The following ZNF789 variants were observed in gnomAD, a reference collection of about 807,000 sequenced individuals.
ZNF789 encodes the protein zinc finger protein 789.
Under a neutral mutation model 15.6 loss-of-function variants are expected in ZNF789, and 11 were observed. That is an observed-to-expected ratio of 0.70 (90% CI 0.44 to 1.16). The LOEUF is 1.16. Among genes scored for constraint, ZNF789 ranks in the 50% most tolerant of loss-of-function variants. ZNF789 has a pLI of 0.00. For missense variants in ZNF789, 461 were observed against 512.6 expected, an observed-to-expected ratio of 0.90 and a Z score of 0.97; for synonymous variants, 159 against 176.0, an observed-to-expected ratio of 0.90 and a Z score of 0.76.
At chr7:99,482,990 G>A (rs187110160) in intron 3 of ZNF789, among the ~76,000 whole-genome samples, 16 of 152,300 alleles carry the variant, frequency 1.1e-4, no homozygotes, top group African/African-American at 3.6e-4. Context: ...CAGCACTTTG[G>A]GAGGCCGAGA....
At chr7:99,482,959 G>A (rs924567404) in intron 3 of ZNF789, among the ~76,000 whole-genome samples, 4 of 152,140 alleles carry the variant, frequency 2.6e-5, no homozygotes, top group African/African-American at 9.7e-5. Context: ...GGCTGGGCAC[G>A]GTGGCTCACG....
chr7:99,474,466 C>T (rs1394979148), intron 1 of ZNF789, among the ~76,000 whole-genome samples: 2 of 151,942 alleles, frequency 1.3e-5, no homozygotes, highest in African/African-American at 2.4e-5. Flanking sequence ...TGGTGGCGGG[C>T]GCCTGTAGTC....
At chr7:99,483,819 C>T (rs1257117343) in intron 3 of ZNF789, 2 of 781,312 alleles carry the variant, frequency 2.6e-6, no homozygotes, top group Non-Finnish European at 4.8e-6. Flanking sequence ...GTACTTTAGG[C>T]TATATTTCTA....
At chr7:99,485,343 A>G (rs1450438341) in intron 4 of ZNF789, 1 of 880,344 alleles carries the variant, frequency 1.1e-6, no homozygotes, top group East Asian at 2.6e-5. Flanking sequence ...GCCTGCATCC[A>G]CTAGATGCCA....
Position 99,487,107 on chromosome 7 carries a change from C to G in ZNF789, c.897C>G (p.Thr299=), listed in dbSNP as rs761135886. 46 of 1,614,096 alleles carry G rather than the reference C, an allele frequency of 2.8e-5. No homozygotes were observed. Among genetic ancestry groups the G allele is most frequent in the Non-Finnish European group, 3.9e-5 (46 of 1,180,026 alleles). ...AAAAAACGTTTAGTCAGAATTCAAC[C>G]CTTATTCGACATCAGGTGATCCATA... ...KCEKTFSQNS[T]LIRHQVIHSG... is the part of the protein sequence containing the mutation. Residue 299 remains threonine, a synonymous_variant, in exon 5 of 5, where the codon ACC becomes ACG. Transcript: ENST00000331410.
chr7:99,476,511 G>A, intron 2 of ZNF789, 31 bp downstream of exon 2: 1 of 1,608,554 alleles, frequency 6.2e-7, no homozygotes, highest in Non-Finnish European at 8.5e-7. Flanking sequence ...TGCTTCATCA[G>A]CATAGTCACT....
chr7:99,486,705 T>C lies in ZNF789; in HGVS notation c.495T>C (p.Asn165=). 2 of 1,614,172 alleles carry C rather than the reference T, an allele frequency of 1.2e-6. No homozygotes were observed. The highest frequency in any genetic ancestry group is 1.7e-6 in the Non-Finnish European group (2 of 1,180,032). The change falls in exon 5 of 5, where the codon AAT becomes AAC. Residue 165 remains asparagine, a synonymous_variant. Coordinates refer to ENST00000331410, the MANE Select transcript of ZNF789 (RefSeq NM_213603.3). ...LQNLNLIQDQ[N]AQTRWKQGRY... ...ACCTTAACCTTATTCAAGATCAGAA[T>C]GCGCAAACAAGGTGGAAGCAGGGCA...
At chr7:99,474,979 CT>C (rs1799238965) in intron 1 of ZNF789, among the ~76,000 whole-genome samples, 1 of 148,110 alleles carries the variant, frequency 6.8e-6, no homozygotes, top group African/African-American at 2.6e-5. Flanking sequence ...AGGGAGACTC[CT>C]CAAAAAAAAA....
intron 1 of ZNF789, among the ~76,000 whole-genome samples, chr7:99,473,576 GCTT>G (rs915791669): frequency 1.3e-5 from 2 of 152,132 alleles, no homozygotes; most frequent in Non-Finnish European, 2.9e-5. Context: ...CGAGAAAAAA[GCTT>G]CTTTCCTGGT....
At chr7:99,483,994 C>G (rs1425820166) in intron 3 of ZNF789, 36 bp from the exon 4 acceptor site, 5 of 1,575,388 alleles carry the variant, frequency 3.2e-6, no homozygotes, top group Non-Finnish European at 1.7e-6. Context: ...CTGTAACTCA[C>G]TAACGGCCAC....
In ZNF789 at chr7:99,487,293, A is replaced by G. The variant is rs1480452817; in HGVS notation, c.1083A>G (p.Arg361=). The G allele has an allele frequency of 6.2e-7, 1 of 1,614,254 alleles. No individual in the cohort carries two copies. The highest frequency in any genetic ancestry group is 8.5e-7 in the Non-Finnish European group (1 of 1,180,044). The change falls in exon 5 of 5, where the codon AGA becomes AGG. Residue 361 remains arginine, a synonymous_variant. Coordinates refer to ENST00000331410, the MANE Select transcript of ZNF789 (RefSeq NM_213603.3). ...ATGTGGATCTCATTCAGCATCAAAGAATCCATACAAAGGAGGAATTCTTTC... is the reference window on the plus strand; with the variant it reads ...ATGTGGATCTCATTCAGCATCAAAGGATCCATACAAAGGAGGAATTCTTTC... ...GRNVDLIQHQ[R]IHTKEEFFQC... is the part of the protein sequence containing the mutation.
chr7:99,484,265 C>A (rs1799797650), intron 4 of ZNF789, 122 bp downstream of exon 4: 1 of 691,188 alleles, frequency 1.4e-6, no homozygotes, highest in African/African-American at 1.8e-5. Flanking sequence ...CCCACTTCTT[C>A]ATCCCTACTG....
At chr7:99,477,114 C>G (rs904118431) in intron 2 of ZNF789, among the ~76,000 whole-genome samples, 2 of 151,806 alleles carry the variant, frequency 1.3e-5, no homozygotes, top group African/African-American at 4.8e-5. Context: ...GCGATCTCAG[C>G]TCACTGCATC....
Position 99,479,684 on chromosome 7 carries a change from G to A in ZNF789, c.48G>A (p.Val16=). 2 of 1,608,466 alleles carry A rather than the reference G, an allele frequency of 1.2e-6. No individual in the cohort carries two copies. The highest frequency in any genetic ancestry group is 1.7e-6 in the Non-Finnish European group (2 of 1,177,856). Residue 16 remains valine, a synonymous_variant, in exon 3 of 5, where the codon GTG becomes GTA. Transcript: ENST00000331410. The part of the protein sequence containing the change: ...RGKELLSFED[V]AMYFTREEWG... Reference sequence around the variant, plus strand: ...AGGAGCTGCTCTCGTTTGAGGATGTGGCGATGTACTTCACCAGAGAGGAGT... The same window carrying A: ...AGGAGCTGCTCTCGTTTGAGGATGTAGCGATGTACTTCACCAGAGAGGAGT...
At chr7:99,478,345 C>T in intron 2 of ZNF789, 3 of 1,289,626 alleles carry the variant, frequency 2.3e-6, no homozygotes, top group South Asian at 2.5e-5. Flanking sequence ...AAGAGTGACA[C>T]TCTGGATAAT....
In ZNF789 at chr7:99,484,032, T is replaced by C. The variant is rs1346422824; in HGVS notation, c.154T>C (p.Phe52Leu). ...CCCATTTACTTCCCCATGAGTAGGA[T>C]TTCAGTTTCCCAAACCTGAGATGAT... ...ENYRNMVLLG[F>L]QFPKPEMICQ... The change falls in exon 4 of 5, where the codon TTT becomes CTT. Residue 52 changes from phenylalanine (F) to leucine (L), a missense_variant and splice_region_variant. Phe to Leu is a conservative substitution (Grantham distance 22, BLOSUM62 0). Transcript: ENST00000331410. The C allele has an allele frequency of 1.2e-6, 2 of 1,614,020 alleles. No homozygotes were observed. The highest frequency in any genetic ancestry group is 3.3e-5 in the Admixed American group (2 of 59,986).
chr7:99,481,090 G>A (rs1799600286), intron 3 of ZNF789: 1 of 152,202 alleles, frequency 6.6e-6, no homozygotes, highest in Non-Finnish European at 1.5e-5. Flanking sequence ...AAGTAGCTGA[G>A]CATATTCTAT....
chr7:99,487,253 A>T lies in ZNF789; in HGVS notation c.1043A>T (p.Gln348Leu), dbSNP rs914477830. Residue 348 changes from glutamine to leucine, a missense_variant, in exon 5 of 5, where the codon CAG (glutamine) becomes CTG (leucine). By Grantham distance (113) the Gln-to-Leu change is moderately radical. Coordinates refer to ENST00000331410, the MANE Select transcript of ZNF789 (RefSeq NM_213603.3). ...PNTHKCSECG[Q>L]SFGRNVDLIQ... The stretch of plus-strand genomic sequence containing the variant: ...ACCCATAAATGCAGTGAATGTGGAC[A>T]GTCCTTTGGTAGGAATGTGGATCTC... 1.9e-6 allele frequency: 3 copies of T among 1,614,116 alleles called. No homozygotes were observed. Among genetic ancestry groups the T allele is most frequent in the African/African-American group, 2.7e-5 (2 of 74,940 alleles).
chr7:99,477,258 G>T (rs548259960), intron 2 of ZNF789, among the ~76,000 whole-genome samples: 1 of 151,728 alleles, frequency 6.6e-6, no homozygotes, highest in African/African-American at 2.4e-5. Flanking sequence ...GGCCAGAATG[G>T]TCTCCATCTC....
Sources: gnomAD v4.1 joint callset for allele counts (sites outside exome capture counted in the v4.1 genomes callset) on GRCh38, gnomAD v4.1.1 for gene constraint, MANE v1.5 for transcripts, NCBI Gene and HGNC (gene_info 2026-07-23, HGNC 2026-07-21) for gene names.